The following CHN2 variants were observed in gnomAD, a reference collection of about 807,000 sequenced individuals.
CHN2 encodes the protein beta-chimaerin.
In CHN2, 35 loss-of-function variants were observed where a neutral mutation model predicts 56.3. The ratio of observed to expected loss-of-function variants is 0.62; its 90% CI spans 0.47 to 0.82. The LOEUF is 0.82. CHN2 is among the 40% of genes least tolerant of loss of function. The pLI, the probability that CHN2 is intolerant of heterozygous loss-of-function variation, is 0.00. For synonymous variants in CHN2, 210 were observed against 212.8 expected (o/e 0.99, Z 0.12); for missense variants, 491 against 580.5 (o/e 0.85, Z 1.58).
intron 8 of CHN2, among the ~76,000 whole-genome samples, chr7:29,498,105 A>G (rs1789498483): frequency 1.3e-5 from 2 of 152,248 alleles, no homozygotes; most frequent in Non-Finnish European, 1.5e-5. Flanking sequence ...CATACTAAGA[A>G]TTCCTAATGA....
Position 29,194,983 on chromosome 7 carries a change from G to A in CHN2, c.42G>A (p.Val14=), listed in dbSNP as rs776149402. ...SSNSSLSGSS[V]SSDAEEYQPP... ...ACTCCAGCCTGTCCGGCTCGTCGGT[G>A]TCCTCCGGTGAGTTTCAGCCCGTCG... The change falls in exon 1 of 13, where the codon GTG becomes GTA. Residue 14 remains valine (V), a synonymous_variant. Coordinates refer to ENST00000222792, the MANE Select transcript of CHN2 (RefSeq NM_004067.4). The A allele has an allele frequency of 6.3e-7, 1 of 1,586,626 alleles. No individual in the cohort carries two copies. Among genetic ancestry groups the A allele is most frequent in the Non-Finnish European group, 8.6e-7 (1 of 1,169,058 alleles).
intron 1 of CHN2, among the ~76,000 whole-genome samples, chr7:29,263,218 C>T (rs1022354975): frequency 2.6e-5 from 4 of 152,298 alleles, no homozygotes; most frequent in South Asian, 4.1e-4. Context: ...TTGGTGGAGA[C>T]GGGGTTTCGC....
intron 1 of CHN2, chr7:29,200,887 G>C (rs919197513): frequency 6.6e-6 from 1 of 152,106 alleles, no homozygotes; most frequent in African/African-American, 2.4e-5. Flanking sequence ...TGAAGAATTG[G>C]GATGAGTGTA....
chr7:29,385,335 A>T lies in CHN2; in HGVS notation c.145-8344A>T, dbSNP rs922398611. Among the ~76,000 whole-genome samples, 3 of 152,358 alleles carry T rather than the reference A, an allele frequency of 2.0e-5. 1 individual carries two copies. In the South Asian group the frequency reaches 6.2e-4, roughly 32 times the overall value. ...ATACTTAACAATTCAAAGTTCTTCC[A>T]GTCTAAAGCAGGGTTTATTGACCTT... On this transcript the variant is annotated intron_variant, in intron 3 of 12. Transcript: ENST00000222792.
intron 11 of CHN2, among the ~76,000 whole-genome samples, chr7:29,508,103 G>A (rs1453698791): frequency 6.6e-6 from 1 of 152,160 alleles, no homozygotes; most frequent in African/African-American, 2.4e-5. Context: ...TACCCCATGT[G>A]GCAAATATTA....
At chr7:29,351,498 A>G (rs971512041) in intron 1 of CHN2, among the ~76,000 whole-genome samples, 2 of 152,228 alleles carry the variant, frequency 1.3e-5, no homozygotes, top group African/African-American at 4.8e-5. Context: ...CCGTGAAGAA[A>G]AATCAGCTCT....
intron 6 of CHN2, among the ~76,000 whole-genome samples, chr7:29,427,656 C>CTTTTTTT (rs754677450): frequency 1.7e-5 from 2 of 120,366 alleles, no homozygotes; most frequent in African/African-American, 3.2e-5. Flanking sequence ...ATTTTTTATT[C>CTTTTTTT]TTTTTTTTTT....
rs368239468 is a variant in CHN2 at position 29,194,936 on chromosome 7, G to T, written c.-6G>T. The T allele has an allele frequency of 2.4e-5, 38 of 1,566,912 alleles. No individual in the cohort carries two copies. The highest frequency in any genetic ancestry group is 3.2e-5 in the Non-Finnish European group (37 of 1,160,548). Reference sequence around the variant, plus strand: ...GAGCGAGCAGCGACGCGAGGGGCGCGCGGAGATGGCAGCGTCCAGCAACTC... The same window carrying T: ...GAGCGAGCAGCGACGCGAGGGGCGCTCGGAGATGGCAGCGTCCAGCAACTC... On this transcript the variant is annotated 5_prime_UTR_variant, in exon 1 of 13. Coordinates refer to ENST00000222792, the MANE Select transcript of CHN2 (RefSeq NM_004067.4).
chr7:29,500,062 A>ATAG, intron 9 of CHN2, 22 bp downstream of exon 9: 1 of 1,457,122 alleles, frequency 6.9e-7, no homozygotes, highest in Non-Finnish European at 9.2e-7. Context: ...ACTTCCTATT[A>ATAG]TAGTAGTATA....
rs371672173 is a variant in CHN2, at chr7:29,443,162, G to A, written c.577-37117G>A. On this transcript the variant is annotated intron_variant, in intron 6 of 12. Transcript: ENST00000222792. ...TCACCTTGTTAGCCAGGATGGTCTC[G>A]ATCTCCTGACCTCATGATCCACCCG... Among the ~76,000 whole-genome samples, 13 of 151,542 alleles carry A rather than the reference G, an allele frequency of 8.6e-5. 1 individual carries two copies. Among genetic ancestry groups the A allele is most frequent in the Admixed American group, 2.0e-4 (3 of 15,244 alleles).
At chr7:29,292,982 C>T in intron 1 of CHN2, 2 of 456,288 alleles carry the variant, frequency 4.4e-6, no homozygotes, top group Non-Finnish European at 8.8e-6. Flanking sequence ...GATGATGTCA[C>T]TCCTCCGTCT....
chr7:29,338,255 G>A (rs1194794026), intron 1 of CHN2, among the ~76,000 whole-genome samples: 2 of 152,112 alleles, frequency 1.3e-5, no homozygotes, highest in Non-Finnish European at 2.9e-5. Flanking sequence ...CCAACTTTGG[G>A]CAAGGCACCA....
At chr7:29,334,457 G>A (rs1036354371) in intron 1 of CHN2, 2 of 152,148 alleles carry the variant, frequency 1.3e-5, no homozygotes, top group South Asian at 2.1e-4. Context: ...ATGTAATTCT[G>A]TGTGGAATTC....
chr7:29,302,363 G>A (rs1562902436), intron 1 of CHN2, among the ~76,000 whole-genome samples: 1 of 150,858 alleles, frequency 6.6e-6, no homozygotes, highest in Non-Finnish European at 1.5e-5. Flanking sequence ...GAGTCTCACT[G>A]TGTTGCCCAG....
At chr7:29,332,510 C>T (rs775046522) in intron 1 of CHN2, among the ~76,000 whole-genome samples, 15 of 152,258 alleles carry the variant, frequency 9.9e-5, no homozygotes, top group Admixed American at 5.9e-4. Context: ...GCTGGTGATA[C>T]GGCCTAAAAT....
upstream of CHN2, chr7:29,194,116 C>G (rs1783249379): frequency 6.5e-6 from 1 of 152,702 alleles, no homozygotes; most frequent in South Asian, 2.1e-4. Flanking sequence ...CGCCTTCGCC[C>G]TCTGGATCCC....
intron 1 of CHN2, among the ~76,000 whole-genome samples, chr7:29,345,640 C>T (rs1797375896): frequency 1.3e-5 from 2 of 152,072 alleles, no homozygotes; most frequent in South Asian, 2.1e-4. Context: ...GGGGCCAGAT[C>T]GTGCAGAGTT....
At chr7:29,449,315 A>T (rs920113570) in intron 6 of CHN2, among the ~76,000 whole-genome samples, 2 of 152,246 alleles carry the variant, frequency 1.3e-5, no homozygotes, top group African/African-American at 4.8e-5. Context: ...GTAATAATGG[A>T]AAGCAAATCT....
At chr7:29,325,215 G>T (rs530718710) in intron 1 of CHN2, among the ~76,000 whole-genome samples, 1 of 152,246 alleles carries the variant, frequency 6.6e-6, no homozygotes, top group African/African-American at 2.4e-5. Flanking sequence ...CGCTCTGATG[G>T]ATCATGTCTT....
Sources: gnomAD v4.1 joint callset for allele counts (sites outside exome capture counted in the v4.1 genomes callset) on GRCh38, gnomAD v4.1.1 for gene constraint, MANE v1.5 for transcripts, NCBI Gene and HGNC (gene_info 2026-07-23, HGNC 2026-07-21) for gene names.